Variants in FEM1A observed in about 807,000 individuals in gnomAD.
The protein encoded by FEM1A is fem-1 homolog A.
In FEM1A, 1 loss-of-function variant was observed where a neutral mutation model predicts 0.7. The ratio of observed to expected loss-of-function variants is 1.35; its 90% CI spans 0.48 to 6.40. FEM1A has a LOEUF of 6.40. Among genes scored for constraint, FEM1A ranks in the 30% most tolerant of loss-of-function variants. FEM1A has a pLI of 0.14. For missense variants in FEM1A, 721 were observed against 918.7 expected (o/e 0.78, Z 2.78); for synonymous variants, 391 against 420.6 (o/e 0.93, Z 0.86).
Position 4,793,361 on chromosome 19 carries a change from T to C in FEM1A, c.1507T>C (p.Tyr503His), listed in dbSNP as rs2093557066. Residue 503 changes from tyrosine to histidine, a missense_variant, in exon 1 of 1, where the codon TAC becomes CAC. Physicochemically the swap from Tyr to His is moderately conservative, Grantham distance 83. Coordinates refer to ENST00000269856, the MANE Select transcript of FEM1A (RefSeq NM_018708.3). This position sits in a 1 kb window ranked among gnomAD's most constrained non-coding sequence, Gnocchi z 5.1. ...KALAIILHLL[Y>H]LLEKVECTPS... ...GCTGGCCATCATCCTCCACCTGCTC[T>C]ACCTGCTGGAGAAAGTGGAGTGCAC... is the stretch of plus-strand genomic sequence containing the variant. The C allele has an allele frequency of 1.2e-6, 2 of 1,612,252 alleles. No individual in the cohort carries two copies. The highest frequency in any genetic ancestry group is 1.7e-6 in the Non-Finnish European group (2 of 1,179,858).
Position 4,793,042 on chromosome 19 carries a change from G to A in FEM1A, c.1188G>A (p.Arg396=). ...HPDTSYYIRY[R]GAVYADSGNF... is the part of the protein sequence containing the mutation. ...ACACTTCCTATTACATCCGTTACAGGGGTGCCGTGTACGCCGACTCGGGCA... is the reference window on the plus strand; with the variant it reads ...ACACTTCCTATTACATCCGTTACAGAGGTGCCGTGTACGCCGACTCGGGCA... The change falls in exon 1 of 1, where the codon AGG becomes AGA. Residue 396 remains arginine (R), a synonymous_variant. Coordinates refer to ENST00000269856, the MANE Select transcript of FEM1A (RefSeq NM_018708.3). The surrounding 1 kb of genome is among the most constrained non-coding windows in gnomAD (Gnocchi z 5.1). 6.2e-7 allele frequency: 1 copy of A among 1,613,536 alleles called. No individual in the cohort carries two copies. The highest frequency in any genetic ancestry group is 8.5e-7 in the Non-Finnish European group (1 of 1,180,022).
rs891987410 is a variant in FEM1A, at chr19:4,797,638, C to T, written c.*3774C>T. 1 of 151,882 alleles carries T rather than the reference C, an allele frequency of 6.6e-6. No homozygotes were observed. The highest frequency in any genetic ancestry group is 2.4e-5 in the African/African-American group (1 of 41,304). The allele number at this position is 151,882 out of a possible 1,614,324, so 9.4% of individuals were successfully genotyped here. On this transcript the variant is annotated 3_prime_UTR_variant, in exon 1 of 1. Coordinates refer to ENST00000269856, the MANE Select transcript of FEM1A (RefSeq NM_018708.3). ...AGTCAAAAGCCAAAGTAGGACCTATCTAAAGTAAGTCCTGGCCGGGCACGG... is the reference window on the plus strand; with the variant it reads ...AGTCAAAAGCCAAAGTAGGACCTATTTAAAGTAAGTCCTGGCCGGGCACGG...
rs2093559835 is a variant in FEM1A at position 4,795,280 on chromosome 19, T to A, written c.*1416T>A. ...CAGCAGGGAAGCCATTCTCACTGCA[T>A]CCTCCCTGCAGTAGCCACGGCCAGG... On this transcript the variant is annotated 3_prime_UTR_variant, in exon 1 of 1. Coordinates refer to ENST00000269856, the MANE Select transcript of FEM1A (RefSeq NM_018708.3). 1 of 166,592 alleles carries A rather than the reference T, an allele frequency of 6.0e-6. No individual in the cohort carries two copies. The highest frequency in any genetic ancestry group is 2.4e-5 in the African/African-American group (1 of 41,232). 10.3% of individuals were successfully genotyped at this position (166,592 alleles called of 1,614,324 possible).
In FEM1A at chr19:4,793,558, C is replaced by A; in HGVS notation, c.1704C>A (p.Leu568=). 6.2e-7 allele frequency: 1 copy of A among 1,613,018 alleles called. No individual in the cohort carries two copies. Among genetic ancestry groups the A allele is most frequent in the African/African-American group, 1.3e-5 (1 of 75,004 alleles). Residue 568 remains leucine, a synonymous_variant, in exon 1 of 1, where the codon CTC becomes CTA. Coordinates refer to ENST00000269856, the MANE Select transcript of FEM1A (RefSeq NM_018708.3). The surrounding 1 kb of genome is among the most constrained non-coding windows in gnomAD (Gnocchi z 5.1). ...CCCTGCACGTGGTCAAAGTGCTGCT[C>A]GACTGCGGGGCCGACCCGGACAGCA... ...FPSLHVVKVL[L]DCGADPDSRD...
rs1292928340 is a variant in FEM1A, at chr19:4,795,338, G to C, written c.*1474G>C. 1 of 165,720 alleles carries C rather than the reference G, an allele frequency of 6.0e-6. No homozygotes were observed. Among genetic ancestry groups the C allele is most frequent in the Non-Finnish European group, 1.5e-5 (1 of 67,996 alleles). The allele number at this position is 165,720 out of a possible 1,614,324, so 10.3% of individuals were successfully genotyped here. A position where few individuals can be genotyped will look rare whatever the true frequency, so the allele number is the denominator to read the frequency against. On this transcript the variant is annotated 3_prime_UTR_variant, in exon 1 of 1. Transcript: ENST00000269856. ...GAGGAGCAGTGACCGGGGGTGTCCA[G>C]AAATATCCTGTCCCTGGATGGAAAC...
rs1484021588 is a variant in FEM1A, at chr19:4,799,907, A to AAAAAAAAAAAT, written c.*6053_*6054insTAAAAAAAAAA. 20 of 105,736 alleles carry AAAAAAAAAAAT rather than the reference A, an allele frequency of 1.9e-4. 3 individuals are homozygous for AAAAAAAAAAAT. The highest frequency in any genetic ancestry group is 8.4e-4 in the African/African-American group (20 of 23,680). The allele number at this position is 105,736 out of a possible 1,614,324, so 6.5% of individuals were successfully genotyped here. On this transcript the variant is annotated 3_prime_UTR_variant, in exon 1 of 1. Transcript: ENST00000269856. The stretch of plus-strand genomic sequence containing the variant: ...GTGACATAGCAAGACTCTGTCTCAA[A>AAAAAAAAAAAT]AAAAAAAAAAAAAAAAAAAAAAAAA...
rs116040158 is a variant in FEM1A at position 4,794,668 on chromosome 19, G to C, written c.*804G>C. 4 of 166,924 alleles carry C rather than the reference G, an allele frequency of 2.4e-5. No homozygotes were observed. The highest frequency in any genetic ancestry group is 2.9e-5 in the Non-Finnish European group (2 of 68,106). The allele number at this position is 166,924 out of a possible 1,614,324, so 10.3% of individuals were successfully genotyped here. A position where few individuals can be genotyped will look rare whatever the true frequency, so the allele number is the denominator to read the frequency against. ...TATGTGTGAGGAATTTGGTGAGCGA[G>C]ATAAAAGTCCACGGTGTCAACCCCT... is the stretch of plus-strand genomic sequence containing the variant. On this transcript the variant is annotated 3_prime_UTR_variant, in exon 1 of 1. Transcript: ENST00000269856.
In FEM1A at chr19:4,800,415, A is replaced by T. The variant is rs62113931; in HGVS notation, c.*6551A>T. 19,420 of 152,512 alleles carry T rather than the reference A, an allele frequency of 0.13. 2,049 individuals are homozygous for T. Among genetic ancestry groups the T allele is most frequent in the African/African-American group, 0.29 (11,944 of 41,528 alleles). The allele number at this position is 152,512 out of a possible 1,614,324, so 9.4% of individuals were successfully genotyped here. A position where few individuals can be genotyped will look rare whatever the true frequency, so the allele number is the denominator to read the frequency against. On this transcript the variant is annotated 3_prime_UTR_variant, in exon 1 of 1. Coordinates refer to ENST00000269856, the MANE Select transcript of FEM1A (RefSeq NM_018708.3). ...AGTGGGGGCCCCCCCAAGCTCGCCG[A>T]CTGCCCTTCCCAGCCTGCTGCCAGT...
In FEM1A at chr19:4,794,536, CTTTTTT is replaced by C. The variant is rs35934634; in HGVS notation, c.*682_*687del. ...CACAGAAATTCTGAGATTTTACTGC[CTTTTTT>C]TTTTTTTTTAAGAAAGTTGTTTGTT... On this transcript the variant is annotated 3_prime_UTR_variant, in exon 1 of 1. Coordinates refer to ENST00000269856, the MANE Select transcript of FEM1A (RefSeq NM_018708.3). 1 of 152,352 alleles carries C rather than the reference CTTTTTT, an allele frequency of 6.6e-6. No homozygotes were observed. Among genetic ancestry groups the C allele is most frequent in the Admixed American group, 7.1e-5 (1 of 14,132 alleles). 9.4% of individuals were successfully genotyped at this position (152,352 alleles called of 1,614,324 possible). A position where few individuals can be genotyped will look rare whatever the true frequency, so the allele number is the denominator to read the frequency against.
In FEM1A at chr19:4,793,618, A is replaced by G. The variant is rs1191140157; in HGVS notation, c.1764A>G (p.Ala588=). 4 of 1,612,716 alleles carry G rather than the reference A, an allele frequency of 2.5e-6. No individual in the cohort carries two copies. The highest frequency in any genetic ancestry group is 3.3e-5 in the Admixed American group (2 of 59,982). Residue 588 remains alanine, a synonymous_variant, in exon 1 of 1, where the codon GCA becomes GCG. Coordinates refer to ENST00000269856, the MANE Select transcript of FEM1A (RefSeq NM_018708.3). The surrounding 1 kb of genome is among the most constrained non-coding windows in gnomAD (Gnocchi z 5.1). The part of the protein sequence containing the change: ...DFDNNTPLHI[A]AQNNCPAIMN... ...ACAACAACACCCCGCTACACATAGC[A>G]GCCCAGAACAACTGCCCGGCCATCA...
Position 4,791,903 on chromosome 19 carries a change from C to T in FEM1A, c.49C>T (p.Gln17Ter). 6.6e-7 allele frequency: 1 copy of T among 1,523,676 alleles called. No individual in the cohort carries two copies. The highest frequency in any genetic ancestry group is 2.3e-4 in the Middle Eastern group (1 of 4,330). 94.4% of individuals were successfully genotyped at this position (1,523,676 alleles called of 1,614,324 possible). A position where few individuals can be genotyped will look rare whatever the true frequency, so the allele number is the denominator to read the frequency against. ...VYNAARDGKL[Q>*]LLQKLLSGRS... is the part of the protein sequence containing the mutation. ...CAACGCCGCCCGTGATGGCAAGCTGCAGCTGCTCCAGAAGCTGCTCAGCGG... is the reference window on the plus strand; with the variant it reads ...CAACGCCGCCCGTGATGGCAAGCTGTAGCTGCTCCAGAAGCTGCTCAGCGG... Residue 17 changes from glutamine (Q) to a stop codon, truncating the protein, a stop_gained, in exon 1 of 1, where the codon CAG becomes TAG. Transcript: ENST00000269856. LOFTEE classifies it low-confidence loss of function (END_TRUNC).
Position 4,792,693 on chromosome 19 carries a change from C to A in FEM1A, c.839C>A (p.Pro280Gln), listed in dbSNP as rs1256496378. 6.2e-7 allele frequency: 1 copy of A among 1,612,174 alleles called. No individual in the cohort carries two copies. Among genetic ancestry groups the A allele is most frequent in the Non-Finnish European group, 8.5e-7 (1 of 1,179,872 alleles). The stretch of plus-strand genomic sequence containing the variant: ...TGCTGCAGCTCCTCCCCAGAGGAAC[C>A]ACTGAACGGGGAATCTTACGAAAGC... ...APCCSSSPEE[P>Q]LNGESYESCC... is the part of the protein sequence containing the mutation. The change falls in exon 1 of 1, where the codon CCA becomes CAA. Residue 280 changes from proline to glutamine, a missense_variant. Pro to Gln is a moderately conservative substitution (Grantham distance 76, BLOSUM62 -1). Transcript: ENST00000269856. The surrounding 1 kb of genome is among the most constrained non-coding windows in gnomAD (Gnocchi z 6.7).
At position 4,799,848 on chromosome 19, in the gene FEM1A, T is replaced by C. The variant is rs1424973285; in HGVS notation, c.*5984T>C. On this transcript the variant is annotated 3_prime_UTR_variant, in exon 1 of 1. Transcript: ENST00000269856. ...GTGAACCCGGGAGGCGGAGTTACAG[T>C]GAGCCGAGATCGCGCCACTGCACTC... The C allele has an allele frequency of 1.6e-5, 2 of 126,186 alleles. No homozygotes were observed. Among genetic ancestry groups the C allele is most frequent in the African/African-American group, 6.1e-5 (2 of 32,594 alleles). 7.8% of individuals were successfully genotyped at this position (126,186 alleles called of 1,614,324 possible).
Position 4,798,611 on chromosome 19 carries a change from CA to C in FEM1A, c.*4761del, listed in dbSNP as rs745637825. ...GGCGACAGAGCACAAGACTCCATCT[CA>C]AAAAAAAAAAAAAGAAAGAAAAATG... On this transcript the variant is annotated 3_prime_UTR_variant, in exon 1 of 1. Coordinates refer to ENST00000269856, the MANE Select transcript of FEM1A (RefSeq NM_018708.3). 0.013 allele frequency: 1,595 copies of C among 121,384 alleles called. 8 individuals are homozygous for C. The highest frequency in any genetic ancestry group is 0.019 in the Non-Finnish European group (1,050 of 56,710). 7.5% of individuals were successfully genotyped at this position (121,384 alleles called of 1,614,324 possible).
At position 4,800,803 on chromosome 19, in the gene FEM1A, G is replaced by C. The variant is rs964182517; in HGVS notation, c.*6939G>C. Reference sequence around the variant, plus strand: ...CCCGAGGTTAAAGATAGCACCGCTCGAATCACATCACAGGCCGAAAAGGCC... The same window carrying C: ...CCCGAGGTTAAAGATAGCACCGCTCCAATCACATCACAGGCCGAAAAGGCC... On this transcript the variant is annotated 3_prime_UTR_variant, in exon 1 of 1. Transcript: ENST00000269856. The C allele has an allele frequency of 6.6e-6, 1 of 152,172 alleles. No individual in the cohort carries two copies. Among genetic ancestry groups the C allele is most frequent in the Admixed American group, 6.6e-5 (1 of 15,250 alleles). The allele number at this position is 152,172 out of a possible 1,614,324, so 9.4% of individuals were successfully genotyped here.
rs1184838919 is a variant in FEM1A, at chr19:4,795,047, A to C, written c.*1183A>C. On this transcript the variant is annotated 3_prime_UTR_variant, in exon 1 of 1. Transcript: ENST00000269856. ...ATGAAAAAGGCCCAAGTACAGTCTT[A>C]ATGCGATAAATCCACTAGCTAAGAC... 6.0e-6 allele frequency: 1 copy of C among 167,102 alleles called. No homozygotes were observed. The allele number at this position is 167,102 out of a possible 1,614,324, so 10.4% of individuals were successfully genotyped here.
chr19:4,792,695 C>G lies in FEM1A; in HGVS notation c.841C>G (p.Leu281Val). The G allele has an allele frequency of 6.2e-7, 1 of 1,612,188 alleles. No individual in the cohort carries two copies. The highest frequency in any genetic ancestry group is 2.2e-5 in the East Asian group (1 of 44,876). ...PCCSSSPEEP[L>V]NGESYESCCP... Reference sequence around the variant, plus strand: ...CTGCAGCTCCTCCCCAGAGGAACCACTGAACGGGGAATCTTACGAAAGCTG... The same window carrying G: ...CTGCAGCTCCTCCCCAGAGGAACCAGTGAACGGGGAATCTTACGAAAGCTG... Residue 281 changes from leucine (L) to valine (V), a missense_variant, in exon 1 of 1, where the codon CTG (leucine) becomes GTG (valine). Physicochemically the swap from Leu to Val is conservative, Grantham distance 32. Coordinates refer to ENST00000269856, the MANE Select transcript of FEM1A (RefSeq NM_018708.3). The surrounding 1 kb of genome is among the most constrained non-coding windows in gnomAD (Gnocchi z 6.7).
In FEM1A at chr19:4,794,681, G is replaced by C. The variant is rs976806917; in HGVS notation, c.*817G>C. 1.2e-5 allele frequency: 2 copies of C among 166,820 alleles called. No individual in the cohort carries two copies. The highest frequency in any genetic ancestry group is 2.4e-5 in the African/African-American group (1 of 41,368). 10.3% of individuals were successfully genotyped at this position (166,820 alleles called of 1,614,324 possible). ...TTTGGTGAGCGAGATAAAAGTCCAC[G>C]GTGTCAACCCCTAAAACATGGGTGA... On this transcript the variant is annotated 3_prime_UTR_variant, in exon 1 of 1. Coordinates refer to ENST00000269856, the MANE Select transcript of FEM1A (RefSeq NM_018708.3).
chr19:4,801,248 C>T lies in FEM1A; in HGVS notation c.*7384C>T, dbSNP rs936478319. 17 of 152,160 alleles carry T rather than the reference C, an allele frequency of 1.1e-4. No individual in the cohort carries two copies. The highest frequency in any genetic ancestry group is 3.6e-4 in the African/African-American group (15 of 41,502). The allele number at this position is 152,160 out of a possible 1,614,324, so 9.4% of individuals were successfully genotyped here. On this transcript the variant is annotated 3_prime_UTR_variant, in exon 1 of 1. Transcript: ENST00000269856. ...TATTAACTTATTAATCATTTGATGT[C>T]GATTAAAGCAATGATCTTGATCCAA...
Sources: gnomAD v4.1 joint callset for allele counts on GRCh38, gnomAD v4.1.1 for gene constraint, Gnocchi (gnomAD v3.1) non-coding constraint, MANE v1.5 for transcripts, NCBI Gene and HGNC (gene_info 2026-07-23, HGNC 2026-07-21) for gene names.